SHROOM2: variants seen among roughly 807,000 people sequenced by gnomAD.
SHROOM2 encodes protein Shroom2.
A neutral mutation model predicts 75.9 loss-of-function variants in SHROOM2; 33 were observed. That is an observed-to-expected ratio of 0.43 (90% CI 0.33 to 0.58). The LOEUF is 0.58. SHROOM2 is among the 20% of genes least tolerant of loss of function. The probability of loss-of-function intolerance (pLI) is 0.04; values close to 1 mark genes in which losing one functional copy is unlikely to be tolerated. For synonymous variants in SHROOM2, 655 were observed against 663.6 expected (o/e 0.99, Z 0.20); for missense variants, 1,434 against 1,461.2 (o/e 0.98, Z 0.30).
At chrX:9,860,448 G>A in intron 1 of SHROOM2, among the ~76,000 whole-genome samples, 1 of 111,202 alleles carries the variant, frequency 9.0e-6, no homozygotes. Flanking sequence ...TTTTGAGACA[G>A]GGTCTCACTC....
rs974889807 is a variant in SHROOM2, at chrX:9,937,811, C to T, written c.4139+126C>T. ...TGGGGAAGACGGGTTTTCATAAGGG[C>T]TCCTCGATGCTTAGCACTTTTTGGC... On this transcript the variant is annotated intron_variant, in intron 7 of 9. Coordinates refer to ENST00000380913, the MANE Select transcript of SHROOM2 (RefSeq NM_001649.4). The T allele has an allele frequency of 5.1e-6, 3 of 589,761 alleles. No homozygotes were observed. In the African/African-American group the frequency reaches 7.0e-5, roughly 14 times the overall value. 48.6% of individuals were successfully genotyped at this position (589,761 alleles called of 1,213,427 possible).
intron 5 of SHROOM2, among the ~76,000 whole-genome samples, chrX:9,931,962 G>T (rs1413457891): frequency 2.7e-5 from 3 of 110,331 alleles, no homozygotes; most frequent in Admixed American, 9.7e-5. Flanking sequence ...GTTCCCTTGT[G>T]GGACATGCCA....
chrX:9,802,831 T>G (rs1357018195), intron 1 of SHROOM2, among the ~76,000 whole-genome samples: 1 of 111,088 alleles, frequency 9.0e-6, no homozygotes, highest in African/African-American at 3.3e-5. Context: ...ACAAGGTAAC[T>G]TGGGCTGAGA....
At chrX:9,930,068 C>T (rs1298989360) in intron 5 of SHROOM2, among the ~76,000 whole-genome samples, 2 of 111,719 alleles carry the variant, frequency 1.8e-5, no homozygotes, top group Non-Finnish European at 3.8e-5. Context: ...ATGTCTTTAT[C>T]AGCAGCGTGA....
At chrX:9,859,421 T>C (rs777395957) in intron 1 of SHROOM2, among the ~76,000 whole-genome samples, 1 of 112,191 alleles carries the variant, frequency 8.9e-6, no homozygotes, top group East Asian at 2.8e-4. Flanking sequence ...TTGTCATCAG[T>C]GAGATGCTAG....
chrX:9,868,817 C>T (rs1283288116), intron 1 of SHROOM2, among the ~76,000 whole-genome samples: 1 of 98,447 alleles, frequency 1.0e-5, no homozygotes, highest in Non-Finnish European at 2.0e-5. Flanking sequence ...TGGAATCAAG[C>T]GATCCTTCCA....
intron 1 of SHROOM2, among the ~76,000 whole-genome samples, chrX:9,802,299 C>T (rs2083727795): frequency 9.0e-6 from 1 of 111,581 alleles, no homozygotes; most frequent in Admixed American, 9.6e-5. Flanking sequence ...CCTGGGAGCT[C>T]GTTAGAACTG....
At chrX:9,834,240 C>G in intron 1 of SHROOM2, among the ~76,000 whole-genome samples, 1 of 111,625 alleles carries the variant, frequency 9.0e-6, no homozygotes, top group East Asian at 2.8e-4. Flanking sequence ...GACTGTGGCC[C>G]CCAGCATGGG....
chrX:9,917,739 G>C (rs1474124086), intron 5 of SHROOM2, among the ~76,000 whole-genome samples: 8 of 111,464 alleles, frequency 7.2e-5, no homozygotes, highest in Non-Finnish European at 7.5e-5. Context: ...TGGCCAGGCT[G>C]GTCTCGAACT....
Position 9,863,703 on chromosome X carries a change from C to T in SHROOM2, c.166-9949C>T, listed in dbSNP as rs1037278851. On this transcript the variant is annotated intron_variant, in intron 1 of 9. Transcript: ENST00000380913. ...GCTCTTCAGAAGCGTGGGCATAGCACACTGCAGCCTCCAACTCCTAGGCTC... is the reference window on the plus strand; with the variant it reads ...GCTCTTCAGAAGCGTGGGCATAGCATACTGCAGCCTCCAACTCCTAGGCTC... Among the ~76,000 whole-genome samples the T allele has an allele frequency of 3.6e-5, 4 of 109,994 alleles. No homozygotes were observed. The Admixed American group carries it at 3.9e-4, about 11-fold the overall frequency.
intron 1 of SHROOM2, among the ~76,000 whole-genome samples, chrX:9,833,608 CTGTGTGTGTG>C (rs144161839): frequency 1.2e-3 from 116 of 95,338 alleles, no homozygotes; most frequent in Middle Eastern, 5.4e-3. Context: ...CAAGTAGACT[CTGTGTGTGTG>C]TGTGTGTGTG....
intron 8 of SHROOM2, among the ~76,000 whole-genome samples, chrX:9,942,303 T>TC (rs773618030): frequency 8.9e-6 from 1 of 111,803 alleles, no homozygotes; most frequent in Non-Finnish European, 1.9e-5. Context: ...GAGGGGGGTT[T>TC]CCCACACACC....
intron 5 of SHROOM2, among the ~76,000 whole-genome samples, chrX:9,926,943 C>T (rs1469481467): frequency 5.4e-5 from 6 of 110,812 alleles, no homozygotes; most frequent in East Asian, 5.7e-4. Flanking sequence ...ATGTTTAACC[C>T]GTACTTTAGA....
chrX:9,875,110 A>AAAAAAAAAAAG (rs2084192753), intron 2 of SHROOM2, among the ~76,000 whole-genome samples: 64 of 93,109 alleles, frequency 6.9e-4, no homozygotes, highest in African/African-American at 2.5e-3. Context: ...AAAAAAAAAA[A>AAAAAAAAAAAG]GGGGAGGAAG....
chrX:9,817,320 A>G (rs1433389027), intron 1 of SHROOM2, among the ~76,000 whole-genome samples: 2 of 108,477 alleles, frequency 1.8e-5, no homozygotes, highest in East Asian at 5.7e-4. Flanking sequence ...ACATTTTGGA[A>G]TTGTAATTTA....
At chrX:9,930,400 A>T (rs2084636566) in intron 5 of SHROOM2, among the ~76,000 whole-genome samples, 1 of 109,378 alleles carries the variant, frequency 9.1e-6, no homozygotes, top group African/African-American at 3.3e-5. Context: ...CTGTGGTCCC[A>T]GCTGCTAGGG....
chrX:9,932,383 G>A lies in SHROOM2; in HGVS notation c.3100G>A (p.Ala1034Thr). ...CACCCCAGCAGACTTGGGACCCCGA[G>A]CCCAGAGCCCTGGCTCACCCCTGCA... ...ESTPADLGPRAQSPGSPLHAR... is the reference protein window; with the variant it reads ...ESTPADLGPRTQSPGSPLHAR... The change falls in exon 6 of 10, where the codon GCC (alanine) becomes ACC (threonine). Residue 1034 changes from alanine (A) to threonine (T), a missense_variant. Ala to Thr is a moderately conservative substitution (Grantham distance 58). This residue lies in a region of SHROOM2 where 1,340 missense variants were observed against 1,338.3 expected (regional missense o/e 1.00). Coordinates refer to ENST00000380913, the MANE Select transcript of SHROOM2 (RefSeq NM_001649.4). 5.0e-6 allele frequency: 6 copies of A among 1,209,116 alleles called. No homozygotes were observed. Among genetic ancestry groups the A allele is most frequent in the Non-Finnish European group, 6.7e-6 (6 of 894,116 alleles).
chrX:9,925,204 C>G (rs951552629), intron 5 of SHROOM2, among the ~76,000 whole-genome samples: 1 of 111,593 alleles, frequency 9.0e-6, no homozygotes, highest in Non-Finnish European at 1.9e-5. Context: ...TAAGAGCTGC[C>G]CAGGGCCTGG....
intron 5 of SHROOM2, among the ~76,000 whole-genome samples, chrX:9,908,443 A>G (rs768422867): frequency 1.2e-4 from 13 of 112,108 alleles, no homozygotes; most frequent in African/African-American, 3.9e-4. Context: ...TTTTGTGTCA[A>G]TTAAAAGCAG....
Sources: gnomAD v4.1 joint callset for allele counts (sites outside exome capture counted in the v4.1 genomes callset) on GRCh38, gnomAD v4.1.1 for gene constraint, gnomAD v4.1.1 regional missense constraint, MANE v1.5 for transcripts, NCBI Gene and HGNC (gene_info 2026-07-23, HGNC 2026-07-21) for gene names.